MAMLD1: variants seen among roughly 807,000 people sequenced by gnomAD.
MAMLD1 encodes the protein mastermind-like domain-containing protein 1.
MAMLD1 carries 14 observed loss-of-function variants against 45.0 expected under a neutral mutation model. That is an observed-to-expected ratio of 0.31 (90% confidence interval 0.21 to 0.49). MAMLD1 has a LOEUF of 0.49. MAMLD1 is among the 20% of genes least tolerant of loss of function. MAMLD1 has a pLI of 0.99. For missense variants in MAMLD1, 543 were observed against 603.6 expected (o/e 0.90, Z 1.05); for synonymous variants, 254 against 247.8 (o/e 1.02, Z -0.24).
intron 3 of MAMLD1, among the ~76,000 whole-genome samples, chrX:150,468,061 CT>C (rs1279694428): frequency 2.7e-5 from 3 of 112,380 alleles, no homozygotes; most frequent in Non-Finnish European, 5.6e-5. Flanking sequence ...TGCCTCCACC[CT>C]TGCTCTGGGC....
intron 5 of MAMLD1, among the ~76,000 whole-genome samples, chrX:150,474,233 G>A (rs189443334): frequency 1.1e-3 from 126 of 112,222 alleles, no homozygotes; most frequent in Non-Finnish European, 2.1e-3. Flanking sequence ...AGAAGTGACC[G>A]AAGTTGCCCA....
chrX:150,446,587 C>T (rs2035494883), intron 2 of MAMLD1, among the ~76,000 whole-genome samples: 2 of 112,497 alleles, frequency 1.8e-5, no homozygotes, highest in Non-Finnish European at 3.8e-5. Flanking sequence ...TTGTCAACCA[C>T]CAACAATGTA....
intron 6 of MAMLD1, among the ~76,000 whole-genome samples, chrX:150,505,883 T>G (rs782267661): frequency 8.9e-6 from 1 of 112,747 alleles, no homozygotes; most frequent in African/African-American, 3.2e-5. Context: ...AGGCTTCAGA[T>G]AGCAGTGTGT....
chrX:150,488,692 A>G (rs782063902), intron 5 of MAMLD1, among the ~76,000 whole-genome samples: 1 of 113,287 alleles, frequency 8.8e-6, no homozygotes, highest in East Asian at 2.8e-4. Flanking sequence ...CATTCTCATT[A>G]GATATTCACA....
At chrX:150,391,033 TGAATTA>T (rs1454637614) in intron 1 of MAMLD1, among the ~76,000 whole-genome samples, 1 of 112,269 alleles carries the variant, frequency 8.9e-6, no homozygotes, top group East Asian at 2.8e-4. Flanking sequence ...CACTGTCATT[TGAATTA>T]GTGTTCCTCT....
intron 1 of MAMLD1, among the ~76,000 whole-genome samples, chrX:150,377,673 T>C (rs2032391430): frequency 9.0e-6 from 1 of 111,467 alleles, no homozygotes; most frequent in South Asian, 3.8e-4. Flanking sequence ...CACTTCTAAC[T>C]CTTTTTTTAA....
At position 150,455,691 on chromosome X, in the gene MAMLD1, G is replaced by C. The variant is rs782225373; in HGVS notation, c.97-7081G>C. On this transcript the variant is annotated intron_variant, in intron 2 of 7. Transcript: ENST00000370401. ...GGTTTAAACAGACCATGAGGGCTCA[G>C]GGCCTACCTCAAGCCCTCTAATCAC... Among the ~76,000 whole-genome samples, 5 of 111,333 alleles carry C rather than the reference G, an allele frequency of 4.5e-5. No individual in the cohort carries two copies. In the East Asian group the frequency reaches 1.4e-3, roughly 31 times the overall value.
chrX:150,477,042 G>A (rs1252125538), intron 5 of MAMLD1, among the ~76,000 whole-genome samples: 1 of 113,236 alleles, frequency 8.8e-6, no homozygotes, highest in Non-Finnish European at 1.9e-5. Flanking sequence ...GGCACAGGGC[G>A]GGGGACACAG....
In MAMLD1 at chrX:150,462,832, G is replaced by A; in HGVS notation, c.157G>A (p.Gly53Arg). Reference protein sequence around the residue: ...DLSFLYKSSPGRKHQGTVKRR... With the variant: ...DLSFLYKSSPRRKHQGTVKRR... ...ATCTTTTCTCTACAAGAGCAGCCCA[G>A]GAAGAAAGCATCAGGTAAGCATAAG... Residue 53 changes from glycine to arginine, a missense_variant, in exon 3 of 8, where the codon GGA (glycine) becomes AGA (arginine). By Grantham distance (125) the Gly-to-Arg change is moderately radical. Transcript: ENST00000370401. The A allele has an allele frequency of 1.7e-6, 2 of 1,208,081 alleles. No individual in the cohort carries two copies. Among genetic ancestry groups the A allele is most frequent in the South Asian group, 1.8e-5 (1 of 56,888 alleles).
intron 6 of MAMLD1, among the ~76,000 whole-genome samples, chrX:150,506,578 T>C (rs1418409224): frequency 8.9e-6 from 1 of 112,089 alleles, no homozygotes; most frequent in African/African-American, 3.2e-5. Context: ...CAGGAACATT[T>C]TGTGGGCATC....
chrX:150,437,550 C>T (rs1010124478), intron 1 of MAMLD1, among the ~76,000 whole-genome samples: 23 of 111,369 alleles, frequency 2.1e-4, no homozygotes, highest in African/African-American at 7.5e-4. Flanking sequence ...AGGACATTCC[C>T]CTCTGTGCCT....
intron 2 of MAMLD1, among the ~76,000 whole-genome samples, chrX:150,456,022 C>A (rs1466799140): frequency 9.0e-6 from 1 of 111,107 alleles, no homozygotes. Flanking sequence ...TTTGGAAAAC[C>A]GTGGGTCAAA....
At chrX:150,508,903 G>A (rs2037818732) in intron 6 of MAMLD1, among the ~76,000 whole-genome samples, 1 of 111,786 alleles carries the variant, frequency 8.9e-6, no homozygotes. Flanking sequence ...ACTGTGTGGG[G>A]TGAGGCTTCA....
intron 1 of MAMLD1, among the ~76,000 whole-genome samples, chrX:150,366,621 A>AG (rs2031471764): frequency 8.9e-6 from 1 of 111,933 alleles, no homozygotes; most frequent in Non-Finnish European, 1.9e-5. Context: ...TTAAAGTAAC[A>AG]GCCCTCTTTT....
intron 1 of MAMLD1, among the ~76,000 whole-genome samples, chrX:150,423,345 A>G (rs1463755655): frequency 2.6e-5 from 1 of 37,828 alleles, no homozygotes; most frequent in Non-Finnish European, 5.0e-5. Context: ...AAAACATTAT[A>G]CTCTGTGTGT....
At chrX:150,481,964 AAAAGAAAGAAAG>A (rs57124938) in intron 5 of MAMLD1, among the ~76,000 whole-genome samples, 2,802 of 56,470 alleles carry the variant, frequency 0.05, 70 homozygotes, top group South Asian at 0.085. Context: ...AAAGAAAGAA[AAAAGAAAGAAAG>A]AAAGAAAGAA....
At chrX:150,490,121 G>A (rs1242143995) in intron 5 of MAMLD1, among the ~76,000 whole-genome samples, 41 of 111,647 alleles carry the variant, frequency 3.7e-4, no homozygotes, top group Non-Finnish European at 2.8e-4. Context: ...GGAGGCTGCT[G>A]GAGGCAATTA....
At chrX:150,430,019 CTTTTT>C (rs1174092962) in intron 1 of MAMLD1, among the ~76,000 whole-genome samples, 2,512 of 49,033 alleles carry the variant, frequency 0.051, 30 homozygotes, top group South Asian at 0.12. Flanking sequence ...TCTTTCTTTT[CTTTTT>C]TTTTTTTTTT....
At chrX:150,414,732 T>C (rs1408572018) in intron 1 of MAMLD1, among the ~76,000 whole-genome samples, 1 of 111,845 alleles carries the variant, frequency 8.9e-6, no homozygotes, top group African/African-American at 3.3e-5. Context: ...GGAGGAAATG[T>C]GGCTTGAGAA....
Sources: allele counts gnomAD v4.1 joint callset (sites outside exome capture counted in the v4.1 genomes callset), GRCh38; gene constraint gnomAD v4.1.1; transcripts MANE v1.5; gene names NCBI Gene and HGNC (gene_info 2026-07-23, HGNC 2026-07-21).